OPCML: variants seen among roughly 807,000 people sequenced by gnomAD.
OPCML encodes opioid binding protein/cell adhesion molecule like.
A neutral mutation model predicts 37.8 loss-of-function variants in OPCML; 13 were observed. That is an observed-to-expected ratio of 0.34 (90% CI 0.22 to 0.55). The LOEUF is 0.55. Among genes scored for constraint, OPCML ranks in the 20% least tolerant of loss-of-function variants. OPCML has a pLI of 0.91. For synonymous variants in OPCML, 176 were observed against 168.8 expected (o/e 1.04, Z -0.33); for missense variants, 341 against 435.6 (o/e 0.78, Z 1.93).
chr11:132,721,932 T>C (rs1171664963), intron 2 of OPCML, among the ~76,000 whole-genome samples: 3 of 150,676 alleles, frequency 2.0e-5, no homozygotes, highest in Non-Finnish European at 4.4e-5. Flanking sequence ...AAAGGGAATG[T>C]ATTTTTTCTT....
intron 2 of OPCML, among the ~76,000 whole-genome samples, chr11:132,735,929 C>T (rs1945240993): frequency 6.6e-6 from 1 of 152,110 alleles, no homozygotes; most frequent in South Asian, 2.1e-4. Flanking sequence ...AACAAGACTG[C>T]CTTTAAAGGG....
intron 3 of OPCML, among the ~76,000 whole-genome samples, chr11:132,622,700 A>C (rs181338080): frequency 6.6e-5 from 10 of 152,278 alleles, no homozygotes; most frequent in Non-Finnish European, 1.3e-4. Flanking sequence ...CCATGGCCCT[A>C]GGATGGAACC....
chr11:133,005,602 T>C (rs575700481), intron 1 of OPCML: 1 of 985,202 alleles, frequency 1.0e-6, no homozygotes, highest in African/African-American at 1.7e-5. Context: ...TACAGATGTT[T>C]TCCTAACCTT....
intron 4 of OPCML, among the ~76,000 whole-genome samples, chr11:132,437,874 C>A (rs2096018464): frequency 1.3e-5 from 2 of 152,252 alleles, no homozygotes; most frequent in Admixed American, 1.3e-4. Context: ...TAAATAGATG[C>A]AAAGTAGTTG....
intron 1 of OPCML, among the ~76,000 whole-genome samples, chr11:133,113,520 C>T (rs1000117794): frequency 2.0e-4 from 31 of 152,292 alleles, no homozygotes; most frequent in African/African-American, 4.3e-4. Context: ...CTAAGCTGAA[C>T]GCTTACACAG....
intron 2 of OPCML, among the ~76,000 whole-genome samples, chr11:132,718,838 C>T (rs1476097702): frequency 6.6e-6 from 1 of 152,138 alleles, no homozygotes; most frequent in Non-Finnish European, 1.5e-5. Context: ...GAGACAGTGA[C>T]TCCCTGGGTT....
intron 1 of OPCML, among the ~76,000 whole-genome samples, chr11:133,294,920 T>C (rs548948570): frequency 1.4e-5 from 2 of 147,614 alleles, no homozygotes; most frequent in Admixed American, 6.8e-5. Context: ...GCCTCCCAGG[T>C]TGAAGCAATT....
At chr11:132,959,889 G>A (rs1259253987) in intron 1 of OPCML, among the ~76,000 whole-genome samples, 1 of 152,070 alleles carries the variant, frequency 6.6e-6, no homozygotes, top group African/African-American at 2.4e-5. Context: ...AATGAAACTG[G>A]GTGATTGCCT....
intron 1 of OPCML, among the ~76,000 whole-genome samples, chr11:133,487,507 T>C (rs1279185790): frequency 6.6e-6 from 1 of 152,194 alleles, no homozygotes; most frequent in Non-Finnish European, 1.5e-5. Context: ...CTCTCAATTA[T>C]GTTCTATTTG....
chr11:132,968,472 T>G (rs1275851725), intron 1 of OPCML, among the ~76,000 whole-genome samples: 1 of 152,094 alleles, frequency 6.6e-6, no homozygotes, highest in Non-Finnish European at 1.5e-5. Context: ...ATTCTCAGCT[T>G]CAAATCTTTT....
chr11:132,493,443 A>G (rs2096222221), intron 4 of OPCML, among the ~76,000 whole-genome samples: 1 of 152,204 alleles, frequency 6.6e-6, no homozygotes, highest in Admixed American at 6.5e-5. Flanking sequence ...ATATTTTAGA[A>G]GCATATGAAT....
chr11:132,475,550 G>T (rs910677127), intron 4 of OPCML, among the ~76,000 whole-genome samples: 3 of 152,272 alleles, frequency 2.0e-5, no homozygotes, highest in East Asian at 1.9e-4. Flanking sequence ...CACACAAAGA[G>T]ACACCAGAGA....
chr11:133,052,430 T>C (rs1948148775), intron 1 of OPCML, among the ~76,000 whole-genome samples: 1 of 152,204 alleles, frequency 6.6e-6, no homozygotes, highest in South Asian at 2.1e-4. Context: ...GTCACTGCCC[T>C]CATAGAGCTT....
chr11:132,440,721 T>C (rs1234752912), intron 4 of OPCML, among the ~76,000 whole-genome samples: 2 of 152,172 alleles, frequency 1.3e-5, no homozygotes, highest in Admixed American at 6.5e-5. Flanking sequence ...TGTTTCTTCG[T>C]TGAAAAAGGG....
At chr11:133,311,697 G>A (rs961346470) in intron 1 of OPCML, among the ~76,000 whole-genome samples, 2 of 152,234 alleles carry the variant, frequency 1.3e-5, no homozygotes, top group Non-Finnish European at 2.9e-5. Flanking sequence ...ATGTGGCCTA[G>A]CAGCAGATAG....
At chr11:133,207,995 C>G (rs1003504795) in intron 1 of OPCML, among the ~76,000 whole-genome samples, 15 of 152,170 alleles carry the variant, frequency 9.9e-5, no homozygotes, top group Non-Finnish European at 1.8e-4. Flanking sequence ...CTTAGCACCT[C>G]TACGCTTTGT....
At chr11:133,143,638 C>T (rs1949856947) in intron 1 of OPCML, among the ~76,000 whole-genome samples, 1 of 152,194 alleles carries the variant, frequency 6.6e-6, no homozygotes, top group Admixed American at 6.5e-5. Context: ...TATCTCATCT[C>T]AGCTGGACCT....
At chr11:133,143,942 A>G (rs1458702658) in intron 1 of OPCML, among the ~76,000 whole-genome samples, 1 of 152,010 alleles carries the variant, frequency 6.6e-6, no homozygotes, top group Non-Finnish European at 1.5e-5. Context: ...TTGAGATGCT[A>G]CTCTGTGGAG....
chr11:132,950,075 G>A (rs1263610757), intron 1 of OPCML, among the ~76,000 whole-genome samples: 1 of 152,236 alleles, frequency 6.6e-6, no homozygotes, highest in African/African-American at 2.4e-5. Flanking sequence ...GCAGATGAAG[G>A]TGCAGCCGCG....
Sources: gnomAD v4.1 joint callset for allele counts (sites outside exome capture counted in the v4.1 genomes callset) on GRCh38, gnomAD v4.1.1 for gene constraint, MANE v1.5 for transcripts, NCBI Gene and HGNC (gene_info 2026-07-23, HGNC 2026-07-21) for gene names.